DENND4C: variants seen among roughly 807,000 people sequenced by gnomAD.
DENND4C encodes the protein DENN domain containing 4C.
In DENND4C, 108 loss-of-function variants were observed where a neutral mutation model predicts 203.0. That is an observed-to-expected ratio of 0.53 (90% CI 0.46 to 0.62). The LOEUF (loss-of-function observed/expected upper bound fraction) is 0.62, where lower values mean the gene tolerates loss of function less well. DENND4C is among the 20% of genes least tolerant of loss of function. The probability of loss-of-function intolerance (pLI) is 0.00; values close to 1 mark genes in which losing one functional copy is unlikely to be tolerated. For synonymous variants in DENND4C, 871 were observed against 792.4 expected, an observed-to-expected ratio of 1.10 and a Z score of -1.67; for missense variants, 2,481 against 2,301.2, an observed-to-expected ratio of 1.08 and a Z score of -1.60.
chr9:19,322,731 CAA>C (rs35416492), intron 12 of DENND4C, among the ~76,000 whole-genome samples: 78 of 65,510 alleles, frequency 1.2e-3, no homozygotes, highest in South Asian at 2.0e-3. Context: ...GACTTCATCT[CAA>C]AAAAAAAAAA....
intron 1 of DENND4C, among the ~76,000 whole-genome samples, chr9:19,247,344 A>G (rs1473257367): frequency 6.6e-6 from 1 of 152,160 alleles, no homozygotes; most frequent in Non-Finnish European, 1.5e-5. Context: ...TTTGCTCTTG[A>G]CTCAGGCCTT....
Position 19,296,197 on chromosome 9 carries a change from T to A in DENND4C, c.991T>A (p.Phe331Ile). Residue 331 changes from phenylalanine to isoleucine, a missense_variant, in exon 6 of 33, where the codon TTT becomes ATT. Phe to Ile is a conservative substitution (Grantham distance 21). Around this residue, in one of 3 missense-constraint regions of DENND4C, gnomAD observed 2,289 missense variants for 2,113.3 expected, o/e 1.08. Coordinates refer to ENST00000434457, the MANE Select transcript of DENND4C (RefSeq NM_001330640.2). ...FFEAFRKFLM[F>I]IYKLSVSGPH... ...TGAAGCTTTTAGGAAATTTCTTATG[T>A]TTATCTACAAACTTTCTGTGTCTGG... 6.2e-7 allele frequency: 1 copy of A among 1,613,848 alleles called. No homozygotes were observed. Among genetic ancestry groups the A allele is most frequent in the African/African-American group, 1.3e-5 (1 of 75,014 alleles).
At chr9:19,352,965 C>G (rs1223593621) in intron 26 of DENND4C, among the ~76,000 whole-genome samples, 1 of 152,074 alleles carries the variant, frequency 6.6e-6, no homozygotes, top group African/African-American at 2.4e-5. Flanking sequence ...AAGACCCTGT[C>G]TCTACAAAAG....
chr9:19,277,531 C>T (rs915170300), intron 2 of DENND4C, among the ~76,000 whole-genome samples: 5 of 151,850 alleles, frequency 3.3e-5, no homozygotes, highest in Non-Finnish European at 4.4e-5. Flanking sequence ...GCAACTTTGC[C>T]GAATTTATTA....
At chr9:19,243,433 A>G (rs1824279472) in intron 1 of DENND4C, among the ~76,000 whole-genome samples, 1 of 152,204 alleles carries the variant, frequency 6.6e-6, no homozygotes, top group Non-Finnish European at 1.5e-5. Context: ...TCACAATGTC[A>G]TGCAAGTATT....
chr9:19,230,973 C>G (rs192839480), intron 1 of DENND4C, 140 bp downstream of exon 1: 1 of 152,312 alleles, frequency 6.6e-6, no homozygotes, highest in Non-Finnish European at 1.5e-5. Flanking sequence ...GGGGGGTCGC[C>G]GAGGAGGCGG....
chr9:19,299,563 C>T (rs559015903), intron 8 of DENND4C, among the ~76,000 whole-genome samples: 4 of 152,222 alleles, frequency 2.6e-5, no homozygotes, highest in African/African-American at 7.2e-5. Flanking sequence ...ATATCCAGTT[C>T]ATAACTAAAG....
In DENND4C at chr9:19,369,870, A is replaced by T. The variant is rs376684548; in HGVS notation, c.5558A>T (p.Glu1853Val). The change falls in exon 31 of 33, where the codon GAA (glutamate) becomes GTA (valine). Residue 1853 changes from glutamate to valine, a missense_variant. Glu to Val is a moderately radical substitution (Grantham distance 121). Coordinates refer to ENST00000434457, the MANE Select transcript of DENND4C (RefSeq NM_001330640.2). Reference sequence around the variant, plus strand: ...AAGAAATCATCTCTCCTGTCAGAGGAACAACAAGAAACAAGCACTTTAGTA... The same window carrying T: ...AAGAAATCATCTCTCCTGTCAGAGGTACAACAAGAAACAAGCACTTTAGTA... ...SEKKSSLLSE[E>V]QQETSTLVET... 1.2e-5 allele frequency: 19 copies of T among 1,610,668 alleles called. No individual in the cohort carries two copies. Among genetic ancestry groups the T allele is most frequent in the African/African-American group, 2.7e-5 (2 of 74,772 alleles).
chr9:19,290,869 C>T lies in DENND4C; in HGVS notation c.794C>T (p.Ala265Val). Reference sequence around the variant, plus strand: ...ACTTTTGTCTTGACAGGTTCTTCAGCCAAAAAGGTATGTTTTTGTCTCATT... The same window carrying T: ...ACTTTTGTCTTGACAGGTTCTTCAGTCAAAAAGGTATGTTTTTGTCTCATT... ...FSTFVLTGSSAKKVYGAAIQF... is the reference protein window; with the variant it reads ...FSTFVLTGSSVKKVYGAAIQF... Residue 265 changes from alanine (A) to valine (V), a missense_variant, in exon 5 of 33, where the codon GCC becomes GTC. Physicochemically the swap from Ala to Val is moderately conservative, Grantham distance 64. Transcript: ENST00000434457. 6.2e-7 allele frequency: 1 copy of T among 1,612,318 alleles called. No homozygotes were observed. Among genetic ancestry groups the T allele is most frequent in the Non-Finnish European group, 8.5e-7 (1 of 1,179,334 alleles).
intron 10 of DENND4C, among the ~76,000 whole-genome samples, chr9:19,311,016 T>C (rs1406106809): frequency 6.6e-6 from 1 of 152,248 alleles, no homozygotes; most frequent in Admixed American, 6.5e-5. Context: ...GACCATACTT[T>C]GTATATAATG....
At chr9:19,300,069 A>T (rs1041819331) in intron 8 of DENND4C, 118 bp from the exon 9 acceptor site, 1 of 1,030,016 alleles carries the variant, frequency 9.7e-7, no homozygotes, top group Admixed American at 3.0e-5. Context: ...ATTGATAAAT[A>T]AGTAAAGACT....
intron 1 of DENND4C, among the ~76,000 whole-genome samples, chr9:19,266,708 C>T (rs1036817181): frequency 7.2e-5 from 11 of 151,844 alleles, no homozygotes; most frequent in African/African-American, 2.7e-4. Flanking sequence ...ACAAACCTGA[C>T]AAAAACAAAA....
intron 26 of DENND4C, among the ~76,000 whole-genome samples, chr9:19,354,955 G>T (rs1157862368): frequency 1.8e-4 from 27 of 150,614 alleles, no homozygotes; most frequent in African/African-American, 5.6e-4. Flanking sequence ...TGTCACCCAG[G>T]CTGGAGTACA....
At chr9:19,261,621 GCCT>G (rs1829380168) in intron 1 of DENND4C, among the ~76,000 whole-genome samples, 1 of 151,502 alleles carries the variant, frequency 6.6e-6, no homozygotes, top group Non-Finnish European at 1.5e-5. Flanking sequence ...TCTCGCCTCA[GCCT>G]CCTCAGTACC....
chr9:19,331,889 CTTAAA>C (rs1819296925), intron 16 of DENND4C, 84 bp from the exon 17 acceptor site: 2 of 1,267,134 alleles, frequency 1.6e-6, no homozygotes, highest in Admixed American at 2.2e-5. Context: ...TCAAGTTTTA[CTTAAA>C]TTCTCCTCTC....
intron 30 of DENND4C, 139 bp from the exon 31 acceptor site, chr9:19,369,698 C>A: frequency 2.5e-6 from 1 of 398,624 alleles, no homozygotes; most frequent in Non-Finnish European, 3.9e-6. Flanking sequence ...GCCTGGGAGA[C>A]GAAGGTTGCA....
At chr9:19,250,637 T>C (rs1222640772) in intron 1 of DENND4C, among the ~76,000 whole-genome samples, 1 of 151,478 alleles carries the variant, frequency 6.6e-6, no homozygotes, top group Non-Finnish European at 1.5e-5. Flanking sequence ...AAAAGCAAGT[T>C]AGTTACTTCC....
intron 30 of DENND4C, 47 bp downstream of exon 30, chr9:19,362,010 G>T (rs993396266): frequency 4.9e-6 from 6 of 1,213,672 alleles, no homozygotes; most frequent in African/African-American, 1.5e-5. Context: ...GCAGTGGCTC[G>T]CACCTGTAAT....
chr9:19,260,092 G>C (rs930954561), intron 1 of DENND4C, among the ~76,000 whole-genome samples: 3 of 152,160 alleles, frequency 2.0e-5, no homozygotes, highest in Middle Eastern at 6.8e-3. Context: ...AGTGTATGAG[G>C]GTTCCCTTTT....
Sources: gnomAD v4.1 joint callset for allele counts (sites outside exome capture counted in the v4.1 genomes callset) on GRCh38, gnomAD v4.1.1 for gene constraint, gnomAD v4.1.1 regional missense constraint, MANE v1.5 for transcripts, NCBI Gene and HGNC (gene_info 2026-07-23, HGNC 2026-07-21) for gene names.